Variants in STPG2 observed in about 807,000 individuals in gnomAD.
The protein encoded by STPG2 is sperm-tail PG-rich repeat-containing protein 2.
Under a neutral mutation model 54.2 loss-of-function variants are expected in STPG2, and 56 were observed. The observed-to-expected ratio is 1.03, with a 90% confidence interval of 0.83 to 1.29. The LOEUF (loss-of-function observed/expected upper bound fraction) is 1.29. Ranked by LOEUF, STPG2 falls within the 50% of genes most tolerant of loss-of-function variation. STPG2 has a pLI of 0.00. For synonymous variants in STPG2, 200 were observed against 181.8 expected (o/e 1.10, Z -0.81); for missense variants, 596 against 544.9 (o/e 1.09, Z -0.93).
At chr4:97,476,195 G>A (rs1375915531) in intron 4 of STPG2, among the ~76,000 whole-genome samples, 1 of 151,948 alleles carries the variant, frequency 6.6e-6, no homozygotes, top group East Asian at 1.9e-4. Context: ...TTCCATATAT[G>A]TTCAGGTTTT....
At chr4:97,771,608 T>A (rs938620017) in intron 9 of STPG2, among the ~76,000 whole-genome samples, 1 of 152,172 alleles carries the variant, frequency 6.6e-6, no homozygotes. Flanking sequence ...GGGTTTCCGA[T>A]GCAGGAGAGG....
chr4:97,784,333 A>C (rs1578561382), intron 9 of STPG2, among the ~76,000 whole-genome samples: 1 of 152,134 alleles, frequency 6.6e-6, no homozygotes, highest in East Asian at 1.9e-4. Context: ...CTAAAAGACT[A>C]TTTGTTACTT....
intron 5 of STPG2, among the ~76,000 whole-genome samples, chr4:98,102,955 C>T (rs1421113826): frequency 6.7e-6 from 1 of 149,896 alleles, no homozygotes; most frequent in Non-Finnish European, 1.5e-5. Context: ...TTTCTATTGC[C>T]TGGTCCCATT....
intron 9 of STPG2, among the ~76,000 whole-genome samples, chr4:97,836,584 A>C (rs1728640964): frequency 6.6e-6 from 1 of 151,770 alleles, no homozygotes; most frequent in Admixed American, 6.6e-5. Flanking sequence ...GTATGCCTTT[A>C]TTAATTTCTC....
intron 9 of STPG2, among the ~76,000 whole-genome samples, chr4:97,824,543 CT>C (rs1455906990): frequency 1.3e-5 from 2 of 152,144 alleles, no homozygotes; most frequent in African/African-American, 4.8e-5. Context: ...AGAACAGGGG[CT>C]TAGGGCCCCA....
intron 4 of STPG2, among the ~76,000 whole-genome samples, chr4:97,460,632 T>C (rs1729639795): frequency 6.6e-6 from 1 of 152,188 alleles, no homozygotes. Context: ...AACATACATA[T>C]AGAAAATTGC....
At chr4:97,993,996 C>T (rs1297235299) in intron 5 of STPG2, among the ~76,000 whole-genome samples, 1 of 152,114 alleles carries the variant, frequency 6.6e-6, no homozygotes, top group Non-Finnish European at 1.5e-5. Flanking sequence ...ATTAATCTCA[C>T]TAATGATCTA....
At chr4:97,562,980 TC>T (rs2148876093) in intron 10 of STPG2, among the ~76,000 whole-genome samples, 1 of 152,318 alleles carries the variant, frequency 6.6e-6, no homozygotes, top group East Asian at 1.9e-4. Flanking sequence ...GAGGATTCCC[TC>T]TTTTTCTATT....
intron 8 of STPG2, among the ~76,000 whole-genome samples, chr4:97,850,535 A>C (rs537833568): frequency 6.6e-6 from 1 of 152,016 alleles, no homozygotes; most frequent in African/African-American, 2.4e-5. Context: ...TTTCATAAGA[A>C]GTATCTAGAC....
intron 4 of STPG2, among the ~76,000 whole-genome samples, chr4:97,510,439 T>C (rs1444838010): frequency 6.6e-6 from 1 of 152,124 alleles, no homozygotes; most frequent in Non-Finnish European, 1.5e-5. Context: ...ATCTGTGTGG[T>C]AGTGTGTAGA....
intron 10 of STPG2, among the ~76,000 whole-genome samples, chr4:97,598,149 A>G (rs1413775053): frequency 6.6e-6 from 1 of 152,214 alleles, no homozygotes; most frequent in Non-Finnish European, 1.5e-5. Flanking sequence ...AGCCACAAAA[A>G]GAAACAAATA....
At chr4:97,858,322 G>A (rs1729397272) in intron 8 of STPG2, among the ~76,000 whole-genome samples, 1 of 152,122 alleles carries the variant, frequency 6.6e-6, no homozygotes, top group Non-Finnish European at 1.5e-5. Flanking sequence ...AAATAACATA[G>A]AATGGAGCTC....
chr4:97,945,496 T>C (rs1346502255), intron 7 of STPG2, among the ~76,000 whole-genome samples: 1 of 152,182 alleles, frequency 6.6e-6, no homozygotes, highest in African/African-American at 2.4e-5. Flanking sequence ...ATCTTTGCAA[T>C]TGTGAATTTG....
chr4:97,964,630 A>G (rs1734022290), intron 7 of STPG2, among the ~76,000 whole-genome samples: 1 of 152,166 alleles, frequency 6.6e-6, no homozygotes, highest in African/African-American at 2.4e-5. Context: ...ATAACAATTC[A>G]TGTATCAGCA....
Position 97,866,730 on chromosome 4 carries a change from G to A in STPG2, c.1045-25798C>T, listed in dbSNP as rs117793346. Among the ~76,000 whole-genome samples, 27 of 151,984 alleles carry A rather than the reference G, an allele frequency of 1.8e-4. No homozygotes were observed. The East Asian group carries it at 5.2e-3, about 29-fold the overall frequency. On this transcript the variant is annotated intron_variant, in intron 8 of 10. Coordinates refer to ENST00000295268, the MANE Select transcript of STPG2 (RefSeq NM_174952.3). Reference sequence around the variant, plus strand: ...TTTGGAGACTATAAAGCTGAAAACTGTATTTCCTGGAAACTTTCACAGCTA... The same window carrying A: ...TTTGGAGACTATAAAGCTGAAAACTATATTTCCTGGAAACTTTCACAGCTA...
intron 9 of STPG2, among the ~76,000 whole-genome samples, chr4:97,801,389 C>A (rs1727391593): frequency 6.6e-6 from 1 of 152,204 alleles, no homozygotes; most frequent in Non-Finnish European, 1.5e-5. Flanking sequence ...TCCCTTCCTA[C>A]TTCCCCTTTC....
chr4:98,023,785 G>A (rs1410101962), intron 5 of STPG2, among the ~76,000 whole-genome samples: 1 of 152,192 alleles, frequency 6.6e-6, no homozygotes, highest in African/African-American at 2.4e-5. Flanking sequence ...ATCTCAGACT[G>A]CTGTGCTAGC....
At chr4:97,718,512 A>G (rs931598431) in intron 9 of STPG2, among the ~76,000 whole-genome samples, 1 of 152,012 alleles carries the variant, frequency 6.6e-6, no homozygotes, top group Non-Finnish European at 1.5e-5. Flanking sequence ...GCAAAGATTA[A>G]TATTTCATTT....
At chr4:97,856,083 T>C (rs1729325888) in intron 8 of STPG2, among the ~76,000 whole-genome samples, 1 of 152,174 alleles carries the variant, frequency 6.6e-6, no homozygotes, top group South Asian at 2.1e-4. Flanking sequence ...CGGACTATAG[T>C]GTGAAGTCAG....
Sources: allele counts gnomAD v4.1 joint callset (sites outside exome capture counted in the v4.1 genomes callset), GRCh38; gene constraint gnomAD v4.1.1; transcripts MANE v1.5; gene names NCBI Gene and HGNC (gene_info 2026-07-23, HGNC 2026-07-21).